The following TIMP3 variants were observed in gnomAD, a reference collection of about 807,000 sequenced individuals.
The protein encoded by TIMP3 is TIMP metallopeptidase inhibitor 3.
A neutral mutation model predicts 30.0 loss-of-function variants in TIMP3; 11 were observed. The observed-to-expected ratio is 0.37, with a 90% CI of 0.23 to 0.61. TIMP3 has a LOEUF of 0.61. Ranked by LOEUF, TIMP3 falls within the 20% of genes least tolerant of loss-of-function variation. The probability of loss-of-function intolerance (pLI) is 0.70; values close to 1 mark genes in which losing one functional copy is unlikely to be tolerated. For missense variants in TIMP3, 181 were observed against 276.8 expected (o/e 0.65, Z 2.45); for synonymous variants, 112 against 111.3 (o/e 1.01, Z -0.04).
At position 32,859,801 on chromosome 22, in the gene TIMP3, A is replaced by T. The variant is rs1239415752; in HGVS notation, c.*424A>T. The T allele has an allele frequency of 4.6e-6, 1 of 216,720 alleles. No homozygotes were observed. The highest frequency in any genetic ancestry group is 9.3e-6 in the Non-Finnish European group (1 of 108,060). 13.4% of individuals were successfully genotyped at this position (216,720 alleles called of 1,614,324 possible). A position where few individuals can be genotyped will look rare whatever the true frequency, so the allele number is the denominator to read the frequency against. ...CCTTTGCCCTTCTCCTCCAATACAT[A>T]AAGGACACAGACAAGGAACTTGCTG... On this transcript the variant is annotated 3_prime_UTR_variant, in exon 5 of 5. Coordinates refer to ENST00000266085, the MANE Select transcript of TIMP3 (RefSeq NM_000362.5).
chr22:32,840,408 T>C (rs1240690059), intron 1 of TIMP3, among the ~76,000 whole-genome samples: 2 of 152,068 alleles, frequency 1.3e-5, no homozygotes, highest in East Asian at 1.9e-4. Flanking sequence ...AGAAGGGCCC[T>C]GGGGGACCAG....
At chr22:32,855,348 AAGG>A (rs1247772380) in intron 2 of TIMP3, among the ~76,000 whole-genome samples, 2 of 152,320 alleles carry the variant, frequency 1.3e-5, no homozygotes, top group East Asian at 3.9e-4. Flanking sequence ...TGTGCCTCTG[AAGG>A]AGGCACAGTG....
chr22:32,807,061 T>C (rs112308145), intron 1 of TIMP3, among the ~76,000 whole-genome samples: 10 of 151,386 alleles, frequency 6.6e-5, no homozygotes, highest in African/African-American at 2.2e-4. Context: ...TATATAAAAC[T>C]GTCAGAGGAG....
At chr22:32,815,040 C>G (rs1349287205) in intron 1 of TIMP3, among the ~76,000 whole-genome samples, 1 of 152,214 alleles carries the variant, frequency 6.6e-6, no homozygotes, top group African/African-American at 2.4e-5. Flanking sequence ...ATTTTACACT[C>G]ATAGCATATC....
At chr22:32,828,519 T>C (rs762652950) in intron 1 of TIMP3, among the ~76,000 whole-genome samples, 10 of 152,204 alleles carry the variant, frequency 6.6e-5, no homozygotes, top group Non-Finnish European at 1.0e-4. Flanking sequence ...TCCACTCTTC[T>C]AGATGAGCCT....
Position 32,817,811 on chromosome 22 carries a change from C to A in TIMP3, c.121+15689C>A, listed in dbSNP as rs73158322. Among the ~76,000 whole-genome samples the A allele has an allele frequency of 3.5e-3, 537 of 152,292 alleles. 4 individuals carry two copies. Among genetic ancestry groups the A allele is most frequent in the South Asian group, 5.2e-3 (25 of 4,822 alleles). On this transcript the variant is annotated intron_variant, in intron 1 of 4. Transcript: ENST00000266085. ...GGTGAGATGTTTCTGATTGAAGGTC[C>A]ATGGGGCAGGCACCCTGCGAGCAGG...
chr22:32,837,657 C>T lies in TIMP3; in HGVS notation c.122-11795C>T, dbSNP rs548057580. On this transcript the variant is annotated intron_variant, in intron 1 of 4. Coordinates refer to ENST00000266085, the MANE Select transcript of TIMP3 (RefSeq NM_000362.5). The surrounding 1 kb of genome is among the most constrained non-coding windows in gnomAD (Gnocchi z 4.1). ...TGTTTCTAGGGGTTTCTTGGGGCTT[C>T]GGGGGCCTCCTGTCAATGGACTGTT... Among the ~76,000 whole-genome samples the T allele has an allele frequency of 6.6e-4, 100 of 152,182 alleles. 1 individual carries two copies. The highest frequency in any genetic ancestry group is 1.9e-3 in the South Asian group (9 of 4,822).
In TIMP3 at chr22:32,828,650, T is replaced by G. The variant is rs531772633; in HGVS notation, c.122-20802T>G. ...AAGTGACCTGCCTGATGCTACCTCA[T>G]GAGTTAGTGGTCCAGGCAGTTAGAA... On this transcript the variant is annotated intron_variant, in intron 1 of 4. Coordinates refer to ENST00000266085, the MANE Select transcript of TIMP3 (RefSeq NM_000362.5). Among the ~76,000 whole-genome samples, 3 of 152,302 alleles carry G rather than the reference T, an allele frequency of 2.0e-5. No individual in the cohort carries two copies. In the East Asian group the frequency reaches 5.8e-4, roughly 29 times the overall value.
At chr22:32,844,175 G>A (rs901610105) in intron 1 of TIMP3, among the ~76,000 whole-genome samples, 7 of 152,172 alleles carry the variant, frequency 4.6e-5, no homozygotes, top group Non-Finnish European at 1.5e-5. Flanking sequence ...CGGGGAAGAA[G>A]GGTCTGGATT....
intron 1 of TIMP3, among the ~76,000 whole-genome samples, chr22:32,835,542 G>A (rs991837407): frequency 2.0e-5 from 3 of 152,162 alleles, no homozygotes; most frequent in African/African-American, 7.2e-5. Flanking sequence ...ATGAGTGGCA[G>A]TTGATGGGTA....
chr22:32,821,250 A>G (rs1336757238), intron 1 of TIMP3, among the ~76,000 whole-genome samples: 3 of 152,170 alleles, frequency 2.0e-5, no homozygotes, highest in Non-Finnish European at 4.4e-5. Context: ...GCAAAATGGG[A>G]AAGACCCCAT....
chr22:32,816,439 C>T (rs191628702), intron 1 of TIMP3, among the ~76,000 whole-genome samples: 106 of 152,286 alleles, frequency 7.0e-4, no homozygotes, highest in African/African-American at 2.6e-3. Context: ...GAACTTTGGA[C>T]TGAGGTTATA....
At chr22:32,849,359 G>C (rs973314520) in intron 1 of TIMP3, 93 bp from the exon 2 acceptor site, 8 of 1,056,072 alleles carry the variant, frequency 7.6e-6, no homozygotes, top group Admixed American at 2.0e-5. Context: ...GCAATTCCAG[G>C]CTCCACAGAG....
chr22:32,817,842 A>T (rs2047127709), intron 1 of TIMP3, among the ~76,000 whole-genome samples: 1 of 152,140 alleles, frequency 6.6e-6, no homozygotes, highest in South Asian at 2.1e-4. Context: ...GCAGGTAATG[A>T]ACAGTAGGGG....
chr22:32,829,567 C>T (rs573632505), intron 1 of TIMP3, among the ~76,000 whole-genome samples: 13 of 152,368 alleles, frequency 8.5e-5, no homozygotes, highest in South Asian at 2.1e-4. Context: ...TCGTGAAAAA[C>T]GGCCCGGATT....
In TIMP3 at chr22:32,861,911, T is replaced by C. The variant is rs1278002590; in HGVS notation, c.*2534T>C. On this transcript the variant is annotated 3_prime_UTR_variant, in exon 5 of 5. Coordinates refer to ENST00000266085, the MANE Select transcript of TIMP3 (RefSeq NM_000362.5). ...ATGTGTAGGCTGTAATATGTGTACATTGTGTTTAAGAGAAAAATGAAACCC... is the reference window on the plus strand; with the variant it reads ...ATGTGTAGGCTGTAATATGTGTACACTGTGTTTAAGAGAAAAATGAAACCC... 6.6e-6 allele frequency: 1 copy of C among 152,616 alleles called. No individual in the cohort carries two copies. The highest frequency in any genetic ancestry group is 1.9e-4 in the East Asian group (1 of 5,198). 9.5% of individuals were successfully genotyped at this position (152,616 alleles called of 1,614,324 possible). A position where few individuals can be genotyped will look rare whatever the true frequency, so the allele number is the denominator to read the frequency against.
At chr22:32,806,419 G>A (rs1366796750) in intron 1 of TIMP3, among the ~76,000 whole-genome samples, 5 of 152,174 alleles carry the variant, frequency 3.3e-5, no homozygotes, top group Admixed American at 1.3e-4. Flanking sequence ...ACAACAACAC[G>A]ATTCTCCATC....
Position 32,838,791 on chromosome 22 carries a change from C to T in TIMP3, c.122-10661C>T, listed in dbSNP as rs1453515375. On this transcript the variant is annotated intron_variant, in intron 1 of 4. Coordinates refer to ENST00000266085, the MANE Select transcript of TIMP3 (RefSeq NM_000362.5). ...TTATTGTATTACCTTTGGTTCCCTC[C>T]CACAGCCTCATTCATTCATTCATTC... 3.3e-5 allele frequency among the ~76,000 whole-genome samples: 5 copies of T among 151,960 alleles called. No individual in the cohort carries two copies. The East Asian group carries it at 7.8e-4, about 24-fold the overall frequency.
chr22:32,807,307 A>AT (rs2046767883), intron 1 of TIMP3, among the ~76,000 whole-genome samples: 2 of 119,768 alleles, frequency 1.7e-5, no homozygotes, highest in South Asian at 2.3e-4. Context: ...TATATATATA[A>AT]ATATATAATA....
Sources: gnomAD v4.1 joint callset for allele counts (sites outside exome capture counted in the v4.1 genomes callset) on GRCh38, gnomAD v4.1.1 for gene constraint, Gnocchi (gnomAD v3.1) non-coding constraint, MANE v1.5 for transcripts, NCBI Gene and HGNC (gene_info 2026-07-23, HGNC 2026-07-21) for gene names.